The following PDE4D variants were observed in gnomAD, a reference collection of about 807,000 sequenced individuals.
PDE4D encodes phosphodiesterase 4D.
A neutral mutation model predicts 87.4 loss-of-function variants in PDE4D; 24 were observed. The observed-to-expected ratio is 0.27, with a 90% CI of 0.20 to 0.39. PDE4D has a LOEUF of 0.39. Ranked by LOEUF, PDE4D falls within the 10% of genes least tolerant of loss-of-function variation. PDE4D has a pLI of 1.00. For synonymous variants in PDE4D, 384 were observed against 383.2 expected, an observed-to-expected ratio of 1.00 and a Z score of -0.02; for missense variants, 714 against 1,041.0, an observed-to-expected ratio of 0.69 and a Z score of 4.32.
intron 5 of PDE4D, among the ~76,000 whole-genome samples, chr5:59,108,908 A>G (rs1339245450): frequency 1.3e-5 from 2 of 149,064 alleles, no homozygotes; most frequent in African/African-American, 4.9e-5. Context: ...TTCCTTCTCA[A>G]AAAAAAAAAA....
At chr5:60,317,716 T>C (rs1755771190) in intron 1 of PDE4D, among the ~76,000 whole-genome samples, 1 of 152,222 alleles carries the variant, frequency 6.6e-6, no homozygotes, top group African/African-American at 2.4e-5. Context: ...TCAAAGAACA[T>C]CTTTATTTCT....
chr5:59,104,011 T>C (rs1771170374), intron 5 of PDE4D, among the ~76,000 whole-genome samples: 1 of 151,894 alleles, frequency 6.6e-6, no homozygotes, highest in Admixed American at 6.6e-5. Flanking sequence ...TTTATAGTGA[T>C]AATCGAATTA....
intron 1 of PDE4D, chr5:59,314,335 T>C (rs1773264067): frequency 1.3e-5 from 2 of 152,016 alleles, no homozygotes; most frequent in African/African-American, 4.8e-5. Flanking sequence ...ATCTATAACA[T>C]TACAAATTCT....
intron 1 of PDE4D, among the ~76,000 whole-genome samples, chr5:60,500,451 A>G (rs1750018342): frequency 2.0e-5 from 3 of 152,246 alleles, no homozygotes; most frequent in Admixed American, 2.0e-4. Context: ...AATTCCATAG[A>G]TTGTCCAAAA....
intron 1 of PDE4D, among the ~76,000 whole-genome samples, chr5:59,792,438 G>GTGTT (rs1491110404): frequency 6.7e-5 from 10 of 148,866 alleles, no homozygotes; most frequent in African/African-American, 2.0e-4. Flanking sequence ...GTGTGTGTGT[G>GTGTT]TTTTGAGGAA....
chr5:59,486,014 T>G (rs958836174), intron 1 of PDE4D, among the ~76,000 whole-genome samples: 1 of 152,116 alleles, frequency 6.6e-6, no homozygotes, highest in Non-Finnish European at 1.5e-5. Flanking sequence ...TCCCTCCTCA[T>G]GACAACAAGC....
intron 1 of PDE4D, among the ~76,000 whole-genome samples, chr5:59,805,305 A>G: frequency 6.6e-6 from 1 of 152,184 alleles, no homozygotes; most frequent in East Asian, 1.9e-4. Context: ...CCCCACCCCT[A>G]AAGTTAGTAG....
intron 2 of PDE4D, among the ~76,000 whole-genome samples, chr5:60,180,599 G>A (rs535162824): frequency 1.7e-4 from 26 of 152,194 alleles, no homozygotes; most frequent in Admixed American, 7.2e-4. Flanking sequence ...TGCTCTATGA[G>A]GGTAGAGAGA....
rs565127110 is a variant in PDE4D, at chr5:59,533,578, A to C, written c.456-317610T>G. ...GTGTTTGGCGACAACAAAGCTATTC[A>C]TTGTTAGTCAACAGATATGCACACT... On this transcript the variant is annotated intron_variant, in intron 1 of 14. Coordinates refer to ENST00000340635, the MANE Select transcript of PDE4D (RefSeq NM_001104631.2). Among the ~76,000 whole-genome samples the C allele has an allele frequency of 1.6e-4, 24 of 152,366 alleles. No individual in the cohort carries two copies. In the South Asian group the frequency reaches 5.0e-3, roughly 32 times the overall value.
intron 1 of PDE4D, among the ~76,000 whole-genome samples, chr5:59,622,236 G>A (rs1830427544): frequency 6.6e-6 from 1 of 152,016 alleles, no homozygotes; most frequent in African/African-American, 2.4e-5. Flanking sequence ...ACGAATGTAT[G>A]CATACACACA....
At chr5:59,228,451 AC>A (rs933230973) in intron 1 of PDE4D, among the ~76,000 whole-genome samples, 1 of 149,374 alleles carries the variant, frequency 6.7e-6, no homozygotes, top group Non-Finnish European at 1.5e-5. Context: ...AAAAAAAAAA[AC>A]AAGCAAGCAA....
At chr5:60,400,521 CAAAAAAAAAA>C (rs56750243) in intron 1 of PDE4D, among the ~76,000 whole-genome samples, 3 of 62,354 alleles carry the variant, frequency 4.8e-5, no homozygotes, top group African/African-American at 8.8e-5. Context: ...GACTCCATCT[CAAAAAAAAAA>C]AAAAAAAAAA....
At chr5:59,608,810 T>C (rs556742618) in intron 1 of PDE4D, among the ~76,000 whole-genome samples, 22 of 152,288 alleles carry the variant, frequency 1.4e-4, no homozygotes, top group African/African-American at 4.8e-4. Flanking sequence ...AGTGATGACA[T>C]GTCACTTTCA....
rs147720580 is a variant in PDE4D, at chr5:59,058,352, T to G, written c.809-19381A>C. ...TCCCTAAGAGAGTGACTGTTCTCCATGCCCACCCACCCACAGTGTCCTATA... is the reference window on the plus strand; with the variant it reads ...TCCCTAAGAGAGTGACTGTTCTCCAGGCCCACCCACCCACAGTGTCCTATA... On this transcript the variant is annotated intron_variant, in intron 5 of 14. Coordinates refer to ENST00000340635, the MANE Select transcript of PDE4D (RefSeq NM_001104631.2). Among the ~76,000 whole-genome samples, 65 of 152,258 alleles carry G rather than the reference T, an allele frequency of 4.3e-4. No homozygotes were observed. The East Asian group carries it at 0.01, about 24-fold the overall frequency.
At chr5:59,082,804 T>C (rs1026606546) in intron 5 of PDE4D, among the ~76,000 whole-genome samples, 1 of 152,164 alleles carries the variant, frequency 6.6e-6, no homozygotes, top group Non-Finnish European at 1.5e-5. Flanking sequence ...GGCTCTTAAT[T>C]ATGCAATTCG....
At chr5:59,732,734 A>C (rs1188049081) in intron 1 of PDE4D, among the ~76,000 whole-genome samples, 1 of 152,118 alleles carries the variant, frequency 6.6e-6, no homozygotes, top group East Asian at 1.9e-4. Flanking sequence ...GTAAAGGAAA[A>C]ATTGGAGCTA....
upstream of PDE4D, chr5:60,489,957 AG>A (rs1377265331): frequency 6.6e-6 from 1 of 152,216 alleles, no homozygotes; most frequent in Non-Finnish European, 1.5e-5. Flanking sequence ...AATTTCCCAT[AG>A]GAAGACTTCA....
intron 3 of PDE4D, among the ~76,000 whole-genome samples, chr5:59,966,394 A>G (rs1760058191): frequency 6.6e-6 from 1 of 152,188 alleles, no homozygotes; most frequent in Non-Finnish European, 1.5e-5. Flanking sequence ...ACAAAAACCT[A>G]TATTTTTACA....
At chr5:59,341,189 C>T (rs1398549050) in intron 1 of PDE4D, among the ~76,000 whole-genome samples, 2 of 152,102 alleles carry the variant, frequency 1.3e-5, no homozygotes, top group Admixed American at 1.3e-4. Flanking sequence ...TAGCAGTCAG[C>T]TTCCTTCTGG....
Sources: allele counts gnomAD v4.1 joint callset (sites outside exome capture counted in the v4.1 genomes callset), GRCh38; gene constraint gnomAD v4.1.1; transcripts MANE v1.5; gene names NCBI Gene and HGNC (gene_info 2026-07-23, HGNC 2026-07-21).